The following KCNH7 variants were observed in gnomAD, a reference collection of about 807,000 sequenced individuals.
KCNH7 encodes potassium voltage-gated channel subfamily H member 7.
KCNH7 carries 49 observed loss-of-function variants against 120.8 expected under a neutral mutation model. The observed-to-expected ratio is 0.41, with a 90% CI of 0.32 to 0.51. The LOEUF (loss-of-function observed/expected upper bound fraction) is 0.51. Ranked by LOEUF, KCNH7 falls within the 20% of genes least tolerant of loss-of-function variation. KCNH7 has a pLI of 0.38. For synonymous variants in KCNH7, 547 were observed against 516.1 expected, an observed-to-expected ratio of 1.06 and a Z score of -0.81; for missense variants, 1,097 against 1,446.6, an observed-to-expected ratio of 0.76 and a Z score of 3.92.
intron 2 of KCNH7, among the ~76,000 whole-genome samples, chr2:162,694,092 G>A (rs1686206319): frequency 6.6e-6 from 1 of 152,092 alleles, no homozygotes; most frequent in Non-Finnish European, 1.5e-5. Context: ...TTAATGATAT[G>A]TATTCTCATT....
Position 162,551,382 on chromosome 2 carries a change from G to T in KCNH7, c.308-14302C>A, listed in dbSNP as rs574005983. ...ATGAAAAAACAAGCAGTAATTTAGG[G>T]TTTTTTCTTTTTTTCAAAATGAATA... On this transcript the variant is annotated intron_variant, in intron 2 of 15. Coordinates refer to ENST00000332142, the MANE Select transcript of KCNH7 (RefSeq NM_033272.4). Among the ~76,000 whole-genome samples the T allele has an allele frequency of 3.3e-5, 5 of 152,114 alleles. No individual in the cohort carries two copies. In the South Asian group the frequency reaches 8.3e-4, roughly 25 times the overall value.
intron 2 of KCNH7, among the ~76,000 whole-genome samples, chr2:162,735,184 A>G (rs1003512272): frequency 3.3e-5 from 5 of 152,326 alleles, no homozygotes; most frequent in Admixed American, 1.3e-4. Flanking sequence ...GAGTGACTCC[A>G]TCTTGCTTCT....
In KCNH7 at chr2:162,644,951, A is replaced by G. The variant is rs1014333483; in HGVS notation, c.308-107871T>C. 2.6e-5 allele frequency among the ~76,000 whole-genome samples: 4 copies of G among 152,174 alleles called. No individual in the cohort carries two copies. The South Asian group carries it at 8.3e-4, about 32-fold the overall frequency. ...CGATCTTGTCAATAAAATTTAGTCA[A>G]TATATGTGTGTGTGTATATATAAAT... is the stretch of plus-strand genomic sequence containing the variant. On this transcript the variant is annotated intron_variant, in intron 2 of 15. Transcript: ENST00000332142.
intron 2 of KCNH7, among the ~76,000 whole-genome samples, chr2:162,539,007 A>T (rs972545583): frequency 6.6e-6 from 1 of 152,110 alleles, no homozygotes; most frequent in African/African-American, 2.4e-5. Flanking sequence ...AGATGTTGGA[A>T]AATATGCCTT....
chr2:162,532,428 GT>G (rs567300039), intron 3 of KCNH7, among the ~76,000 whole-genome samples: 89 of 151,942 alleles, frequency 5.9e-4, no homozygotes, highest in African/African-American at 2.0e-3. Flanking sequence ...AGATACCAGA[GT>G]CACTTACAAT....
chr2:162,586,286 C>T (rs1277745593), intron 2 of KCNH7, among the ~76,000 whole-genome samples: 1 of 152,002 alleles, frequency 6.6e-6, no homozygotes, highest in Non-Finnish European at 1.5e-5. Context: ...TGAGATGAGA[C>T]CTCAAAAGGC....
Position 162,416,254 on chromosome 2 carries a change from T to G in KCNH7, c.2154+7082A>C, listed in dbSNP as rs112774047. ...CCAGCATCATGGTGGGCGCCTGTAG[T>G]ACCAGCTACTGGGGAGGCTGAGACA... On this transcript the variant is annotated intron_variant, in intron 9 of 15. Coordinates refer to ENST00000332142, the MANE Select transcript of KCNH7 (RefSeq NM_033272.4). Among the ~76,000 whole-genome samples, 17 of 151,658 alleles carry G rather than the reference T, an allele frequency of 1.1e-4. 2 individuals carry two copies. Among genetic ancestry groups the G allele is most frequent in the African/African-American group, 3.1e-4 (13 of 41,354 alleles).
intron 2 of KCNH7, among the ~76,000 whole-genome samples, chr2:162,727,186 G>A (rs1294002949): frequency 6.6e-6 from 1 of 152,070 alleles, no homozygotes; most frequent in Admixed American, 6.5e-5. Flanking sequence ...TAGCTTTTAT[G>A]CTCTCTACTA....
chr2:162,619,246 C>G (rs1683253284), intron 2 of KCNH7, among the ~76,000 whole-genome samples: 1 of 151,770 alleles, frequency 6.6e-6, no homozygotes. Context: ...GATGTGTCCC[C>G]CAAAATAAAA....
chr2:162,712,905 A>G (rs559780377), intron 2 of KCNH7, among the ~76,000 whole-genome samples: 86 of 152,302 alleles, frequency 5.6e-4, no homozygotes, highest in Admixed American at 2.1e-3. Context: ...TAAAATGCCA[A>G]TTGGATGCTG....
At chr2:162,816,061 C>G (rs1684907641) in intron 2 of KCNH7, among the ~76,000 whole-genome samples, 2 of 152,146 alleles carry the variant, frequency 1.3e-5, no homozygotes, top group South Asian at 4.1e-4. Flanking sequence ...GAGTTCGAGA[C>G]CAGCCTGGCC....
At chr2:162,446,515 A>C in intron 6 of KCNH7, 72 bp from the exon 7 acceptor site, 5 of 1,108,744 alleles carry the variant, frequency 4.5e-6, no homozygotes, top group Non-Finnish European at 6.4e-6. Flanking sequence ...ATCAAATATT[A>C]AGGGAACTAA....
chr2:162,399,357 TA>T (rs1687006438), intron 10 of KCNH7, among the ~76,000 whole-genome samples: 3 of 151,646 alleles, frequency 2.0e-5, no homozygotes, highest in African/African-American at 7.2e-5. Flanking sequence ...TTATTATTTT[TA>T]TTTTTTTAAG....
At chr2:162,614,960 A>G (rs529679290) in intron 2 of KCNH7, among the ~76,000 whole-genome samples, 19 of 152,260 alleles carry the variant, frequency 1.2e-4, no homozygotes, top group Admixed American at 1.0e-3. Context: ...AGATAAATTC[A>G]TAAAGTATTT....
chr2:162,493,450 T>A (rs929032102), intron 6 of KCNH7, among the ~76,000 whole-genome samples: 12 of 152,224 alleles, frequency 7.9e-5, no homozygotes, highest in Non-Finnish European at 5.9e-5. Context: ...AAAATACAAA[T>A]GTCTTCAAAA....
intron 2 of KCNH7, among the ~76,000 whole-genome samples, chr2:162,589,709 G>T (rs1272051679): frequency 6.6e-6 from 1 of 152,054 alleles, no homozygotes; most frequent in Non-Finnish European, 1.5e-5. Flanking sequence ...TGAGGAAGGA[G>T]TCTACTGGTA....
chr2:162,630,321 C>T (rs182103356), intron 2 of KCNH7, among the ~76,000 whole-genome samples: 7 of 151,814 alleles, frequency 4.6e-5, no homozygotes, highest in African/African-American at 1.7e-4. Flanking sequence ...GGGAATTACA[C>T]CCATTGTTAT....
At chr2:162,685,333 T>C (rs1488349010) in intron 2 of KCNH7, among the ~76,000 whole-genome samples, 5 of 151,966 alleles carry the variant, frequency 3.3e-5, no homozygotes, top group African/African-American at 1.2e-4. Flanking sequence ...ATCCCTGAAC[T>C]TAAAGTATAA....
In KCNH7 at chr2:162,763,447, A is replaced by T. The variant is rs182133203; in HGVS notation, c.307+73090T>A. On this transcript the variant is annotated intron_variant, in intron 2 of 15. Transcript: ENST00000332142. ...TTGACTTTCACTATCTGAAACTGCCAATTACTCACTGCAAGTTACACAGTG... is the reference window on the plus strand; with the variant it reads ...TTGACTTTCACTATCTGAAACTGCCTATTACTCACTGCAAGTTACACAGTG... Among the ~76,000 whole-genome samples the T allele has an allele frequency of 2.6e-5, 4 of 152,210 alleles. No individual in the cohort carries two copies. The East Asian group carries it at 7.7e-4, about 29-fold the overall frequency.
Sources: gnomAD v4.1 joint callset for allele counts (sites outside exome capture counted in the v4.1 genomes callset) on GRCh38, gnomAD v4.1.1 for gene constraint, MANE v1.5 for transcripts, NCBI Gene and HGNC (gene_info 2026-07-23, HGNC 2026-07-21) for gene names.